Variants in PRKAG2 observed in about 807,000 individuals in gnomAD.
PRKAG2 encodes the protein 5'-AMP-activated protein kinase subunit gamma-2.
Under a neutral mutation model 69.6 loss-of-function variants are expected in PRKAG2, and 26 were observed. The ratio of observed to expected loss-of-function variants is 0.37; its 90% CI spans 0.27 to 0.52. PRKAG2 has a LOEUF of 0.52. PRKAG2 is among the 20% of genes least tolerant of loss of function. The pLI is 0.90. For missense variants in PRKAG2, 557 were observed against 740.0 expected (o/e 0.75, Z 2.87); for synonymous variants, 293 against 285.0 (o/e 1.03, Z -0.28).
intron 1 of PRKAG2, among the ~76,000 whole-genome samples, chr7:151,871,987 C>T (rs979255440): frequency 2.0e-5 from 3 of 152,222 alleles, no homozygotes; most frequent in African/African-American, 7.2e-5. Flanking sequence ...AGTTATTACT[C>T]CTCAGAATCC....
intron 1 of PRKAG2, among the ~76,000 whole-genome samples, chr7:151,815,685 C>A (rs2078620618): frequency 6.6e-6 from 1 of 152,224 alleles, no homozygotes; most frequent in African/African-American, 2.4e-5. Context: ...TCGTGACACT[C>A]ATTCCTGAGT....
In PRKAG2 at chr7:151,777,989, C is replaced by G. The variant is rs923669580; in HGVS notation, c.466+3163G>C. 1.4e-4 allele frequency among the ~76,000 whole-genome samples: 22 copies of G among 152,162 alleles called. No homozygotes were observed. The highest frequency in any genetic ancestry group is 5.3e-4 in the African/African-American group (22 of 41,432). ...CCAGTTGCTCCTGTAGATAGTATCA[C>G]TATTTAACACCTAAGATTGGTCTTT... On this transcript the variant is annotated intron_variant, in intron 3 of 15. Coordinates refer to ENST00000287878, the MANE Select transcript of PRKAG2 (RefSeq NM_016203.4). The surrounding 1 kb of genome is among the most constrained non-coding windows in gnomAD (Gnocchi z 4.3).
intron 5 of PRKAG2, among the ~76,000 whole-genome samples, chr7:151,620,719 A>T (rs992804139): frequency 2.6e-5 from 4 of 152,080 alleles, no homozygotes; most frequent in Non-Finnish European, 5.9e-5. Flanking sequence ...GCTTCAAGTG[A>T]TCCTTCCACC....
At chr7:151,714,758 T>C (rs1446012448) in intron 3 of PRKAG2, among the ~76,000 whole-genome samples, 1 of 151,834 alleles carries the variant, frequency 6.6e-6, no homozygotes. Context: ...GAGACCAGCC[T>C]GGACAACATG....
intron 1 of PRKAG2, among the ~76,000 whole-genome samples, chr7:151,799,568 T>G (rs2077725442): frequency 6.6e-6 from 1 of 152,188 alleles, no homozygotes. Flanking sequence ...ATCTGTGACT[T>G]CCCCAGAGCC....
rs567891038 is a variant in PRKAG2, at chr7:151,870,907, C to T, written c.114+5600G>A. ...GGCTCTACTTTTAGTTTGTCTCCAG[C>T]GACTGTGCAGGCTTTCTGGAGCACC... is the stretch of plus-strand genomic sequence containing the variant. On this transcript the variant is annotated intron_variant, in intron 1 of 15. Coordinates refer to ENST00000287878, the MANE Select transcript of PRKAG2 (RefSeq NM_016203.4). 5.9e-5 allele frequency among the ~76,000 whole-genome samples: 9 copies of T among 152,346 alleles called. No homozygotes were observed. In the East Asian group the frequency reaches 1.5e-3, roughly 26 times the overall value.
chr7:151,765,436 A>G (rs1380454739), intron 3 of PRKAG2, among the ~76,000 whole-genome samples: 1 of 152,186 alleles, frequency 6.6e-6, no homozygotes, highest in Non-Finnish European at 1.5e-5. Flanking sequence ...GGGGATTACA[A>G]TTCAACAGGA....
chr7:151,611,888 T>G (rs1818959804), intron 5 of PRKAG2, among the ~76,000 whole-genome samples: 1 of 152,070 alleles, frequency 6.6e-6, no homozygotes, highest in South Asian at 2.1e-4. Flanking sequence ...TCAGCTAAGA[T>G]ACAAAAATTA....
intron 3 of PRKAG2, among the ~76,000 whole-genome samples, chr7:151,685,767 TAAAAA>T (rs55879822): frequency 5.4e-4 from 79 of 145,586 alleles, no homozygotes; most frequent in Non-Finnish European, 1.1e-3. Context: ...ACCCTGTCTC[TAAAAA>T]AAAAAAAAAA....
At chr7:151,857,643 T>C (rs976444049) in intron 1 of PRKAG2, among the ~76,000 whole-genome samples, 1 of 152,142 alleles carries the variant, frequency 6.6e-6, no homozygotes, top group African/African-American at 2.4e-5. Context: ...ATCTGTAGAA[T>C]GGGGACAATA....
At chr7:151,589,503 A>T (rs1812529190) in intron 6 of PRKAG2, among the ~76,000 whole-genome samples, 1 of 152,236 alleles carries the variant, frequency 6.6e-6, no homozygotes, top group South Asian at 2.1e-4. Flanking sequence ...TCAGACTTTG[A>T]GAACACTGCC....
intron 2 of PRKAG2, among the ~76,000 whole-genome samples, chr7:151,784,977 C>T (rs1339111434): frequency 1.3e-5 from 2 of 152,222 alleles, no homozygotes; most frequent in East Asian, 1.9e-4. Flanking sequence ...GGCTGCGTGG[C>T]GGTGCAGATA....
chr7:151,675,337 T>A, intron 4 of PRKAG2, 83 bp downstream of exon 4: 1 of 1,362,940 alleles, frequency 7.3e-7, no homozygotes, highest in Non-Finnish European at 1.0e-6. Context: ...CGGCTGCAGA[T>A]AGACTGCTCA....
intron 3 of PRKAG2, among the ~76,000 whole-genome samples, chr7:151,755,674 C>A (rs941091339): frequency 6.6e-6 from 1 of 152,206 alleles, no homozygotes; most frequent in East Asian, 1.9e-4. Context: ...TCTATGGCTT[C>A]GTAGTTGCAA....
intron 3 of PRKAG2, among the ~76,000 whole-genome samples, chr7:151,773,058 G>A (rs61451889): frequency 0.011 from 448 of 40,018 alleles, 4 homozygotes; most frequent in African/African-American, 0.017. Context: ...AGAGAGGGAG[G>A]GAGGGAGGGA....
chr7:151,874,005 T>C (rs188944161), intron 1 of PRKAG2, among the ~76,000 whole-genome samples: 1 of 148,366 alleles, frequency 6.7e-6, no homozygotes, highest in Non-Finnish European at 1.5e-5. Context: ...ATGATGTATA[T>C]GTATAAGTAT....
chr7:151,814,466 T>C lies in PRKAG2; in HGVS notation c.115-27925A>G. Reference sequence around the variant, plus strand: ...TTCTCTTCCAGATGCTAATAAGCAGTGCAGGCTTGTAAGCTGCTGGATGGC... The same window carrying C: ...TTCTCTTCCAGATGCTAATAAGCAGCGCAGGCTTGTAAGCTGCTGGATGGC... On this transcript the variant is annotated intron_variant, in intron 1 of 15. Transcript: ENST00000287878. The surrounding 1 kb of genome is among the most constrained non-coding windows in gnomAD (Gnocchi z 4.8). The C allele has an allele frequency of 1.6e-6, 2 of 1,230,524 alleles. No homozygotes were observed. Among genetic ancestry groups the C allele is most frequent in the Non-Finnish European group, 2.0e-6 (2 of 987,742 alleles). The allele number at this position is 1,230,524 out of a possible 1,614,324, so 76.2% of individuals were successfully genotyped here.
chr7:151,676,965 C>T lies in PRKAG2; in HGVS notation c.467-1328G>A, dbSNP rs529498769. Among the ~76,000 whole-genome samples the T allele has an allele frequency of 1.1e-3, 172 of 152,308 alleles. 1 individual carries two copies. The highest frequency in any genetic ancestry group is 3.9e-3 in the African/African-American group (163 of 41,572). ...TTGCTGGCAAACCCAGAAGCCAGGG[C>T]GAGGCAAAGAGGAATCCTCCCCTAC... On this transcript the variant is annotated intron_variant, in intron 3 of 15. Coordinates refer to ENST00000287878, the MANE Select transcript of PRKAG2 (RefSeq NM_016203.4).
At chr7:151,611,284 G>A (rs570841780) in intron 5 of PRKAG2, among the ~76,000 whole-genome samples, 1 of 152,252 alleles carries the variant, frequency 6.6e-6, no homozygotes, top group Admixed American at 6.5e-5. Context: ...CTTCCTCTCT[G>A]TATTCTATAC....
Sources: allele counts gnomAD v4.1 joint callset (sites outside exome capture counted in the v4.1 genomes callset), GRCh38; gene constraint gnomAD v4.1.1; non-coding constraint Gnocchi (gnomAD v3.1); transcripts MANE v1.5; gene names NCBI Gene and HGNC (gene_info 2026-07-23, HGNC 2026-07-21).